The following PRKCA variants were observed in gnomAD, a reference collection of about 807,000 sequenced individuals.
The protein encoded by PRKCA is protein kinase C alpha type.
A neutral mutation model predicts 87.0 loss-of-function variants in PRKCA; 27 were observed. That is an observed-to-expected ratio of 0.31 (90% confidence interval 0.23 to 0.43). The LOEUF is 0.43. Among genes scored for constraint, PRKCA ranks in the 20% least tolerant of loss-of-function variants. The pLI, the probability that PRKCA is intolerant of heterozygous loss-of-function variation, is 1.00. For missense variants in PRKCA, 518 were observed against 852.3 expected (o/e 0.61, Z 4.88); for synonymous variants, 329 against 311.1 (o/e 1.06, Z -0.61).
chr17:66,563,561 A>G (rs1184672988), intron 3 of PRKCA, among the ~76,000 whole-genome samples: 3 of 152,216 alleles, frequency 2.0e-5, no homozygotes, highest in Admixed American at 2.0e-4. Flanking sequence ...TGGTTTATCC[A>G]TTCACCTATT....
intron 3 of PRKCA, among the ~76,000 whole-genome samples, chr17:66,608,044 C>T (rs574536464): frequency 6.6e-6 from 1 of 152,142 alleles, no homozygotes; most frequent in South Asian, 2.1e-4. Context: ...ATTATTGCAT[C>T]CAGAGGTTGG....
At chr17:66,573,347 C>G (rs1348712423) in intron 3 of PRKCA, among the ~76,000 whole-genome samples, 2 of 152,132 alleles carry the variant, frequency 1.3e-5, no homozygotes, top group Admixed American at 1.3e-4. Flanking sequence ...CTATGAGCAA[C>G]AGATAGAGGC....
chr17:66,622,574 A>G (rs1970716948), intron 3 of PRKCA, among the ~76,000 whole-genome samples: 1 of 152,222 alleles, frequency 6.6e-6, no homozygotes, highest in African/African-American at 2.4e-5. Flanking sequence ...AAAAGTAGAT[A>G]TTAGAGTAAC....
chr17:66,376,560 A>C (rs1441100561), intron 2 of PRKCA, among the ~76,000 whole-genome samples: 1 of 151,958 alleles, frequency 6.6e-6, no homozygotes, highest in Non-Finnish European at 1.5e-5. Context: ...CAGAGGCTGC[A>C]GTGAGCCGAG....
intron 5 of PRKCA, among the ~76,000 whole-genome samples, chr17:66,666,052 A>G (rs16959909): frequency 0.52 from 79,584 of 151,968 alleles, 20,975 homozygotes; most frequent in African/African-American, 0.57. Flanking sequence ...TTTACAGAGA[A>G]CAATAAAGTT....
chr17:66,323,128 C>T (rs1291515178), intron 2 of PRKCA, among the ~76,000 whole-genome samples: 1 of 152,200 alleles, frequency 6.6e-6, no homozygotes, highest in Non-Finnish European at 1.5e-5. Context: ...ATCACTTCCT[C>T]CTCCATCTCC....
intron 3 of PRKCA, among the ~76,000 whole-genome samples, chr17:66,574,071 A>T (rs1189456686): frequency 6.6e-6 from 1 of 152,270 alleles, no homozygotes; most frequent in Admixed American, 6.5e-5. Context: ...CCCAGGGTTG[A>T]CAAGGGAGCC....
chr17:66,692,068 C>T (rs1972798926), intron 8 of PRKCA, among the ~76,000 whole-genome samples: 1 of 152,212 alleles, frequency 6.6e-6, no homozygotes, highest in Non-Finnish European at 1.5e-5. Context: ...GCTTACTATT[C>T]CTCCTCCTGG....
At chr17:66,303,106 G>T (rs907753168) in intron 1 of PRKCA, 82 bp downstream of exon 1, 2 of 1,540,324 alleles carry the variant, frequency 1.3e-6, no homozygotes, top group African/African-American at 1.4e-5. Flanking sequence ...CGTCCGCCCC[G>T]GGGCTGGCTC....
At chr17:66,802,621 T>C (rs768456867) in intron 16 of PRKCA, among the ~76,000 whole-genome samples, 45 of 152,134 alleles carry the variant, frequency 3.0e-4, no homozygotes, top group Non-Finnish European at 4.6e-4. Context: ...CTCAACTGCC[T>C]TATAAAAACA....
At chr17:66,547,601 T>C (rs1968185016) in intron 3 of PRKCA, among the ~76,000 whole-genome samples, 2 of 152,232 alleles carry the variant, frequency 1.3e-5, no homozygotes, top group East Asian at 1.9e-4. Flanking sequence ...TGATGAATCC[T>C]ACCTACCCTG....
At position 66,755,928 on chromosome 17, in the gene PRKCA, A is replaced by G. The variant is rs192991791; in HGVS notation, c.1524+13168A>G. 1.7e-3 allele frequency among the ~76,000 whole-genome samples: 256 copies of G among 152,298 alleles called. 1 individual carries two copies. The highest frequency in any genetic ancestry group is 5.6e-3 in the African/African-American group (232 of 41,568). On this transcript the variant is annotated intron_variant, in intron 13 of 16. Transcript: ENST00000413366. ...AACAGGGCAAACCACTGTCCCCAAA[A>G]TTAGACAGACAGGCAGATACAGATA...
chr17:66,796,608 G>C, intron 16 of PRKCA: 1 of 985,294 alleles, frequency 1.0e-6, no homozygotes, highest in Non-Finnish European at 1.2e-6. Flanking sequence ...CGTTCCCTGA[G>C]CATGCTAATC....
In PRKCA at chr17:66,695,934, G is replaced by C. The variant is rs570505981; in HGVS notation, c.918+6887G>C. 7.2e-4 allele frequency among the ~76,000 whole-genome samples: 110 copies of C among 152,344 alleles called. 1 individual carries two copies. The highest frequency in any genetic ancestry group is 1.3e-3 in the Non-Finnish European group (88 of 68,036). ...TAAATTGCAATGTCCCTTGAAGCTT[G>C]TATGAGCTCTCTAAAGGGAAATACT... On this transcript the variant is annotated intron_variant, in intron 8 of 16. Coordinates refer to ENST00000413366, the MANE Select transcript of PRKCA (RefSeq NM_002737.3).
At chr17:66,455,107 A>G (rs77515740) in intron 2 of PRKCA, among the ~76,000 whole-genome samples, 4,888 of 152,284 alleles carry the variant, frequency 0.032, 216 homozygotes, top group African/African-American at 0.1. Flanking sequence ...GATGAGGAAT[A>G]TCTTTAAGTC....
intron 3 of PRKCA, among the ~76,000 whole-genome samples, chr17:66,521,360 A>C (rs1210824074): frequency 6.6e-6 from 1 of 152,242 alleles, no homozygotes; most frequent in Non-Finnish European, 1.5e-5. Flanking sequence ...TATAGTTTTT[A>C]AACATGATTT....
chr17:66,380,844 A>C (rs1909736875), intron 2 of PRKCA, among the ~76,000 whole-genome samples: 1 of 152,216 alleles, frequency 6.6e-6, no homozygotes. Context: ...GAATGCACCC[A>C]AAATAAAAAG....
intron 8 of PRKCA, among the ~76,000 whole-genome samples, chr17:66,716,430 G>T (rs993999795): frequency 6.6e-6 from 1 of 152,160 alleles, no homozygotes; most frequent in East Asian, 1.9e-4. Context: ...GGCATCAGAC[G>T]CAAGTGTGCC....
chr17:66,569,224 TG>T (rs1240167422), intron 3 of PRKCA, among the ~76,000 whole-genome samples: 1 of 152,104 alleles, frequency 6.6e-6, no homozygotes. Flanking sequence ...AGACTGGTAT[TG>T]GGGGAAGATA....
Sources: allele counts gnomAD v4.1 joint callset (sites outside exome capture counted in the v4.1 genomes callset), GRCh38; gene constraint gnomAD v4.1.1; transcripts MANE v1.5; gene names NCBI Gene and HGNC (gene_info 2026-07-23, HGNC 2026-07-21).